Variants in DAAM2 observed in about 807,000 individuals in gnomAD.
The protein encoded by DAAM2 is dishevelled associated activator of morphogenesis 2.
DAAM2 carries 39 observed loss-of-function variants against 120.7 expected under a neutral mutation model. That is an observed-to-expected ratio of 0.32 (90% CI 0.25 to 0.42). The LOEUF (loss-of-function observed/expected upper bound fraction) is 0.42. Among genes scored for constraint, DAAM2 ranks in the 10% least tolerant of loss-of-function variants. DAAM2 has a pLI of 1.00. For missense variants in DAAM2, 1,283 were observed against 1,401.7 expected (o/e 0.92, Z 1.35); for synonymous variants, 488 against 524.9 (o/e 0.93, Z 0.96).
Position 39,805,793 on chromosome 6 carries a change from C to A in DAAM2, c.-57+13328C>A, listed in dbSNP as rs552149292. 3.9e-5 allele frequency among the ~76,000 whole-genome samples: 6 copies of A among 152,224 alleles called. No homozygotes were observed. In the East Asian group the frequency reaches 9.7e-4, roughly 24 times the overall value. ...GGTCTCCATCTCCTGACCTCATGATCCACCCGCCTTGGCCTCCCAAAGTGC... is the reference window on the plus strand; with the variant it reads ...GGTCTCCATCTCCTGACCTCATGATACACCCGCCTTGGCCTCCCAAAGTGC... On this transcript the variant is annotated intron_variant, in intron 1 of 24. Transcript: ENST00000274867.
intron 14 of DAAM2, among the ~76,000 whole-genome samples, chr6:39,880,934 G>A (rs1037282339): frequency 3.3e-5 from 5 of 152,174 alleles, no homozygotes; most frequent in African/African-American, 4.8e-5. Context: ...TAGGCCAACC[G>A]CTCTGCAGAA....
At chr6:39,850,679 G>C (rs551879834) in intron 1 of DAAM2, among the ~76,000 whole-genome samples, 226 of 152,288 alleles carry the variant, frequency 1.5e-3, no homozygotes, top group Non-Finnish European at 2.5e-3. Context: ...AGTAAGAAGG[G>C]ATCGTGGTAT....
chr6:39,895,764 G>A (rs893990943), intron 19 of DAAM2, among the ~76,000 whole-genome samples: 3 of 152,168 alleles, frequency 2.0e-5, no homozygotes, highest in Non-Finnish European at 4.4e-5. Context: ...AGACATCATA[G>A]CTGAGGAAGG....
chr6:39,811,298 C>G (rs189539261), intron 1 of DAAM2, among the ~76,000 whole-genome samples: 1 of 152,066 alleles, frequency 6.6e-6, no homozygotes, highest in Admixed American at 6.6e-5. Flanking sequence ...AAATGAAAAC[C>G]TCATGTGGAT....
rs12201456 is a variant in DAAM2, at chr6:39,835,688, G to A, written c.-56-20559G>A. Among the ~76,000 whole-genome samples the A allele has an allele frequency of 6.0e-3, 912 of 152,378 alleles. 2 individuals carry two copies. The highest frequency in any genetic ancestry group is 1.0e-2 in the Admixed American group (153 of 15,310). ...AGGCTTGAGGGGATGCGCATTGAGCGTAGCTATGAAAGAGACAGGGGCATG... is the reference window on the plus strand; with the variant it reads ...AGGCTTGAGGGGATGCGCATTGAGCATAGCTATGAAAGAGACAGGGGCATG... On this transcript the variant is annotated intron_variant, in intron 1 of 24. Coordinates refer to ENST00000274867, the MANE Select transcript of DAAM2 (RefSeq NM_001201427.2).
At chr6:39,818,182 TAAA>T (rs752326154) in intron 1 of DAAM2, among the ~76,000 whole-genome samples, 3 of 85,858 alleles carry the variant, frequency 3.5e-5, no homozygotes, top group South Asian at 4.3e-4. Context: ...GCATCTCAAT[TAAA>T]AAAAAAAAAA....
chr6:39,796,208 G>T (rs770125055), intron 1 of DAAM2, among the ~76,000 whole-genome samples: 24 of 152,282 alleles, frequency 1.6e-4, no homozygotes, highest in Middle Eastern at 3.4e-3. Context: ...GCAGCTGCAG[G>T]TCCTCTTGGC....
In DAAM2 at chr6:39,875,439, G is replaced by A; in HGVS notation, c.1272G>A (p.Glu424=). The A allele has an allele frequency of 1.2e-6, 2 of 1,613,906 alleles. No homozygotes were observed. Among genetic ancestry groups the A allele is most frequent in the Non-Finnish European group, 1.7e-6 (2 of 1,179,844 alleles). The change falls in exon 11 of 25, where the codon GAG becomes GAA. Residue 424 remains glutamate (E), a synonymous_variant. Transcript: ENST00000274867. ...RGVDPDLAPL[E]NFNVKNIVNM... is the part of the protein sequence containing the mutation. ...TGGACCCTGACCTGGCTCCCTTGGA[G>A]AACTTCAATGTCAAGAACATCGTCA...
At chr6:39,807,770 G>A (rs1762051076) in intron 1 of DAAM2, among the ~76,000 whole-genome samples, 1 of 152,198 alleles carries the variant, frequency 6.6e-6, no homozygotes, top group African/African-American at 2.4e-5. Context: ...GCCCACCTCG[G>A]CCTCCCAAAG....
chr6:39,800,389 T>C (rs1306551164), intron 1 of DAAM2, among the ~76,000 whole-genome samples: 1 of 152,180 alleles, frequency 6.6e-6, no homozygotes, highest in Non-Finnish European at 1.5e-5. Flanking sequence ...GCTTACCTCC[T>C]TGGAGCTCCT....
chr6:39,810,259 G>C (rs1255952031), intron 1 of DAAM2, among the ~76,000 whole-genome samples: 1 of 152,156 alleles, frequency 6.6e-6, no homozygotes, highest in East Asian at 1.9e-4. Context: ...GAAGAAAGAA[G>C]AAGAGATCAG....
Position 39,904,611 on chromosome 6 carries a change from A to G in DAAM2, c.*2574A>G, listed in dbSNP as rs1237802900. 1 of 454,004 alleles carries G rather than the reference A, an allele frequency of 2.2e-6. No individual in the cohort carries two copies. Among genetic ancestry groups the G allele is most frequent in the African/African-American group, 2.0e-5 (1 of 49,970 alleles). 28.1% of individuals were successfully genotyped at this position (454,004 alleles called of 1,614,324 possible). ...GTGTTTAGGGCAGTGGGAGGAGAAAATTCTCCAGGTGAATGGGGAAGGGTC... is the reference window on the plus strand; with the variant it reads ...GTGTTTAGGGCAGTGGGAGGAGAAAGTTCTCCAGGTGAATGGGGAAGGGTC... On this transcript the variant is annotated 3_prime_UTR_variant, in exon 25 of 25. Coordinates refer to ENST00000274867, the MANE Select transcript of DAAM2 (RefSeq NM_001201427.2).
intron 1 of DAAM2, among the ~76,000 whole-genome samples, chr6:39,804,487 C>T (rs757194984): frequency 2.1e-4 from 32 of 151,826 alleles, no homozygotes; most frequent in Non-Finnish European, 4.4e-4. Flanking sequence ...TCTGAGCTGA[C>T]GCCTATTGCA....
chr6:39,867,871 C>T (rs1475751608), intron 6 of DAAM2, 28 bp downstream of exon 6: 2 of 1,534,736 alleles, frequency 1.3e-6, no homozygotes. Context: ...AGGTGGGATG[C>T]CAGCTGGGTG....
chr6:39,820,318 T>TA (rs1475346808), intron 1 of DAAM2: 5 of 152,214 alleles, frequency 3.3e-5, no homozygotes, highest in Non-Finnish European at 7.4e-5. Flanking sequence ...TACCAGGTTT[T>TA]AAAAAACTTT....
intron 4 of DAAM2, 133 bp from the exon 5 acceptor site, chr6:39,864,847 C>T (rs539493320): frequency 2.9e-4 from 328 of 1,118,378 alleles, no homozygotes; most frequent in Middle Eastern, 2.3e-3. Context: ...TCCCAGGGGC[C>T]GACACTCGGT....
At chr6:39,831,290 G>A (rs977578241) in intron 1 of DAAM2, among the ~76,000 whole-genome samples, 2 of 152,058 alleles carry the variant, frequency 1.3e-5, no homozygotes, top group African/African-American at 4.8e-5. Flanking sequence ...AAGGGAGATG[G>A]GAGGTGCTGG....
At chr6:39,887,453 A>G (rs1245927638) in intron 15 of DAAM2, 33 bp from the exon 16 acceptor site, 1 of 1,528,092 alleles carries the variant, frequency 6.5e-7, no homozygotes, top group East Asian at 2.3e-5. Context: ...GGGAACCCAC[A>G]CCTCAACTGT....
intron 1 of DAAM2, among the ~76,000 whole-genome samples, chr6:39,794,637 A>G (rs929915754): frequency 3.9e-5 from 6 of 152,266 alleles, no homozygotes; most frequent in African/African-American, 1.2e-4. Context: ...CTGTGAGAAC[A>G]TGTTCTCTCC....
Sources: allele counts gnomAD v4.1 joint callset (sites outside exome capture counted in the v4.1 genomes callset), GRCh38; gene constraint gnomAD v4.1.1; transcripts MANE v1.5; gene names NCBI Gene and HGNC (gene_info 2026-07-23, HGNC 2026-07-21).